The following TSHZ1 variants were observed in gnomAD, a reference collection of about 807,000 sequenced individuals.
TSHZ1 encodes teashirt zinc finger homeobox 1.
A neutral mutation model predicts 67.1 loss-of-function variants in TSHZ1; 12 were observed. That is an observed-to-expected ratio of 0.18 (90% CI 0.11 to 0.29). TSHZ1 has a LOEUF of 0.29. Among genes scored for constraint, TSHZ1 ranks in the 10% least tolerant of loss-of-function variants. The probability of loss-of-function intolerance (pLI) is 1.00; values close to 1 mark genes in which losing one functional copy is unlikely to be tolerated. For synonymous variants in TSHZ1, 632 were observed against 622.4 expected (o/e 1.02, Z -0.23); for missense variants, 1,305 against 1,413.9 (o/e 0.92, Z 1.23).
At chr18:75,240,782 T>A (rs1280190230) in intron 1 of TSHZ1, among the ~76,000 whole-genome samples, 1 of 152,186 alleles carries the variant, frequency 6.6e-6, no homozygotes, top group East Asian at 1.9e-4. Context: ...TACCATAAGG[T>A]ACTTCAACAA....
chr18:75,287,407 C>T lies in TSHZ1; in HGVS notation c.2000C>T (p.Ala667Val). Residue 667 changes from alanine (A) to valine (V), a missense_variant, in exon 2 of 2, where the codon GCC becomes GTC. By Grantham distance (64) the Ala-to-Val change is moderately conservative. Transcript: ENST00000580243. This position sits in a 1 kb window ranked among gnomAD's most constrained non-coding sequence, Gnocchi z 5.0. The stretch of plus-strand genomic sequence containing the variant: ...CCTGAGAAGGAGAAGAGCTCCCTGG[C>T]CAAGGCTGCGTCCCCCATAGCAAAA... ...RPPEKEKSSL[A>V]KAASPIAKEN... The T allele has an allele frequency of 6.2e-7, 1 of 1,614,122 alleles. No homozygotes were observed. The highest frequency in any genetic ancestry group is 1.1e-5 in the South Asian group (1 of 91,076).
At position 75,249,519 on chromosome 18, in the gene TSHZ1, C is replaced by G. The variant is rs148413149; in HGVS notation, c.41-35929C>G. Among the ~76,000 whole-genome samples the G allele has an allele frequency of 2.4e-3, 369 of 151,914 alleles. 2 individuals carry two copies. The highest frequency in any genetic ancestry group is 8.2e-3 in the African/African-American group (340 of 41,354). On this transcript the variant is annotated intron_variant, in intron 1 of 1. Coordinates refer to ENST00000580243, the MANE Select transcript of TSHZ1 (RefSeq NM_001308210.2). ...TAGGTAACTTCCTTCTCATCTCACCCCTGAAGTAGGTAGGGGCAGGTGACC... is the reference window on the plus strand; with the variant it reads ...TAGGTAACTTCCTTCTCATCTCACCGCTGAAGTAGGTAGGGGCAGGTGACC...
At chr18:75,246,670 C>G (rs924583422) in intron 1 of TSHZ1, among the ~76,000 whole-genome samples, 1 of 152,042 alleles carries the variant, frequency 6.6e-6, no homozygotes, top group Non-Finnish European at 1.5e-5. Flanking sequence ...CTTCAGTTCT[C>G]TGTGTGGGGG....
At chr18:75,272,190 A>C (rs925131493) in intron 1 of TSHZ1, among the ~76,000 whole-genome samples, 3 of 152,342 alleles carry the variant, frequency 2.0e-5, no homozygotes, top group African/African-American at 7.2e-5. Context: ...GAATGCTCGG[A>C]TGTATAGTTT....
At position 75,226,926 on chromosome 18, in the gene TSHZ1, C is replaced by T. The variant is rs188338038; in HGVS notation, c.40+15010C>T. Reference sequence around the variant, plus strand: ...AGAATTAACCCTCCCCACCTCAGCCCGCTGCAACAGCTCCGAGGTCCTGCC... The same window carrying T: ...AGAATTAACCCTCCCCACCTCAGCCTGCTGCAACAGCTCCGAGGTCCTGCC... On this transcript the variant is annotated intron_variant, in intron 1 of 1. Transcript: ENST00000580243. Among the ~76,000 whole-genome samples, 924 of 152,270 alleles carry T rather than the reference C, an allele frequency of 6.1e-3. 12 individuals carry two copies. Among genetic ancestry groups the T allele is most frequent in the African/African-American group, 0.022 (896 of 41,554 alleles).
At chr18:75,257,444 G>A (rs186227413) in intron 1 of TSHZ1, among the ~76,000 whole-genome samples, 2 of 152,314 alleles carry the variant, frequency 1.3e-5, no homozygotes, top group East Asian at 1.9e-4. Context: ...GAGAAAGTGA[G>A]AGTTTAACCA....
chr18:75,288,458 C>T lies in TSHZ1; in HGVS notation c.3051C>T (p.Val1017=). ...AAGAACAGCAGAATGTTTCGAAAGTCCTCACCAACAAAACTCTGGGCCCAC... is the reference window on the plus strand; with the variant it reads ...AAGAACAGCAGAATGTTTCGAAAGTTCTCACCAACAAAACTCTGGGCCCAC... ...QIQEQQNVSK[V]LTNKTLGPLG... Residue 1017 remains valine (V), a synonymous_variant, in exon 2 of 2, where the codon GTC becomes GTT. Transcript: ENST00000580243. The surrounding 1 kb of genome is among the most constrained non-coding windows in gnomAD (Gnocchi z 4.9). 1 of 1,614,186 alleles carries T rather than the reference C, an allele frequency of 6.2e-7. No individual in the cohort carries two copies. Among genetic ancestry groups the T allele is most frequent in the East Asian group, 2.2e-5 (1 of 44,872 alleles).
intron 1 of TSHZ1, among the ~76,000 whole-genome samples, chr18:75,282,521 G>A (rs561814666): frequency 1.3e-5 from 2 of 152,300 alleles, no homozygotes; most frequent in Admixed American, 1.3e-4. Context: ...ATTTGGAGAA[G>A]GGGCCTTTAG....
At chr18:75,266,690 G>T (rs1264076476) in intron 1 of TSHZ1, among the ~76,000 whole-genome samples, 2 of 152,198 alleles carry the variant, frequency 1.3e-5, no homozygotes, top group African/African-American at 2.4e-5. Flanking sequence ...AATTGATGGT[G>T]CCTGAGTCAA....
intron 1 of TSHZ1, among the ~76,000 whole-genome samples, chr18:75,215,597 C>T (rs2022756089): frequency 6.6e-6 from 1 of 152,202 alleles, no homozygotes; most frequent in South Asian, 2.1e-4. Context: ...CCTAAAATGG[C>T]ACCTTTTCCT....
chr18:75,227,230 AT>A (rs946458627), intron 1 of TSHZ1, among the ~76,000 whole-genome samples: 377 of 142,464 alleles, frequency 2.6e-3, no homozygotes, highest in East Asian at 4.9e-3. Flanking sequence ...TTGGTCTTCT[AT>A]TTTTTTTTTT....
chr18:75,283,863 C>G (rs2023717426), intron 1 of TSHZ1: 1 of 152,186 alleles, frequency 6.6e-6, no homozygotes. Context: ...CTTTGGGCGG[C>G]CAAGATGTTT....
chr18:75,251,356 T>C (rs1280811714), intron 1 of TSHZ1, among the ~76,000 whole-genome samples: 1 of 150,572 alleles, frequency 6.6e-6, no homozygotes, highest in Non-Finnish European at 1.5e-5. Context: ...TTCTTTCTTG[T>C]TTTTTTTTTG....
At chr18:75,244,848 C>G (rs2023203063) in intron 1 of TSHZ1, among the ~76,000 whole-genome samples, 1 of 152,164 alleles carries the variant, frequency 6.6e-6, no homozygotes, top group Non-Finnish European at 1.5e-5. Context: ...AGAGCTGGTT[C>G]AGGTGGCTGA....
chr18:75,222,193 C>T (rs78652033), intron 1 of TSHZ1, among the ~76,000 whole-genome samples: 24 of 147,250 alleles, frequency 1.6e-4, no homozygotes, highest in Non-Finnish European at 3.1e-4. Context: ...TACCTTGCAG[C>T]GTTTTATTTT....
At chr18:75,260,872 C>A (rs1444705740) in intron 1 of TSHZ1, among the ~76,000 whole-genome samples, 1 of 152,174 alleles carries the variant, frequency 6.6e-6, no homozygotes, top group Non-Finnish European at 1.5e-5. Context: ...GGTGGCTTGA[C>A]TTCAGGTGCT....
intron 1 of TSHZ1, among the ~76,000 whole-genome samples, chr18:75,270,555 A>G (rs1361676281): frequency 1.3e-5 from 2 of 152,352 alleles, no homozygotes; most frequent in East Asian, 1.9e-4. Context: ...GTGGATCATT[A>G]TCCAAGAATA....
intron 1 of TSHZ1, among the ~76,000 whole-genome samples, chr18:75,249,896 G>A (rs1276834890): frequency 6.7e-6 from 1 of 150,288 alleles, no homozygotes; most frequent in Non-Finnish European, 1.5e-5. Context: ...GTTGGTGGGA[G>A]GTGCATGACC....
chr18:75,212,666 C>G (rs1274506224), intron 1 of TSHZ1, among the ~76,000 whole-genome samples: 1 of 152,210 alleles, frequency 6.6e-6, no homozygotes, highest in Non-Finnish European at 1.5e-5. Context: ...AACACACATG[C>G]TCCTGACAGC....
Sources: allele counts gnomAD v4.1 joint callset (sites outside exome capture counted in the v4.1 genomes callset), GRCh38; gene constraint gnomAD v4.1.1; non-coding constraint Gnocchi (gnomAD v3.1); transcripts MANE v1.5; gene names NCBI Gene and HGNC (gene_info 2026-07-23, HGNC 2026-07-21).